The following POLR3B variants were observed in gnomAD, a reference collection of about 807,000 sequenced individuals.
The protein encoded by POLR3B is RNA polymerase III subunit B, also known as DNA-directed RNA polymerase III subunit RPC2.
POLR3B carries 96 observed loss-of-function variants against 147.4 expected under a neutral mutation model. That is an observed-to-expected ratio of 0.65 (90% CI 0.55 to 0.77). The LOEUF (loss-of-function observed/expected upper bound fraction) is 0.77. Ranked by LOEUF, POLR3B falls within the 30% of genes least tolerant of loss-of-function variation. The pLI, the probability that POLR3B is intolerant of heterozygous loss-of-function variation, is 0.00. For synonymous variants in POLR3B, 461 were observed against 485.9 expected (o/e 0.95, Z 0.67); for missense variants, 1,036 against 1,413.5 (o/e 0.73, Z 4.28).
In POLR3B at chr12:106,432,444, C is replaced by A; in HGVS notation, c.1591C>A (p.Leu531Ile). 6.2e-7 allele frequency: 1 copy of A among 1,612,442 alleles called. No homozygotes were observed. Among genetic ancestry groups the A allele is most frequent in the Middle Eastern group, 1.7e-4 (1 of 6,056 alleles). ...TGTGAATTTATTATGTGGGGAAGAG[C>A]TCTCTTACCCAAATGTGTTTCTTGT... ...EDVNLLCGEE[L>I]SYPNVFLVFL... Residue 531 changes from leucine (L) to isoleucine (I), a missense_variant, in exon 15 of 28, where the codon CTC (leucine) becomes ATC (isoleucine). Leu to Ile is a conservative substitution (Grantham distance 5). Coordinates refer to ENST00000228347, the MANE Select transcript of POLR3B (RefSeq NM_018082.6).
intron 11 of POLR3B, among the ~76,000 whole-genome samples, chr12:106,409,762 TTAAGG>T (rs1233424050): frequency 4.8e-4 from 73 of 152,020 alleles, no homozygotes; most frequent in African/African-American, 1.7e-3. Context: ...TACTAAATGA[TTAAGG>T]TAAGTAAAGA....
At chr12:106,424,861 A>G (rs988928789) in intron 12 of POLR3B, among the ~76,000 whole-genome samples, 1 of 152,198 alleles carries the variant, frequency 6.6e-6, no homozygotes, top group Non-Finnish European at 1.5e-5. Context: ...TCTAAATAAT[A>G]TTTAGCTTTC....
chr12:106,421,955 C>G (rs564204659), intron 12 of POLR3B, among the ~76,000 whole-genome samples: 1 of 152,320 alleles, frequency 6.6e-6, no homozygotes, highest in South Asian at 2.1e-4. Flanking sequence ...CCGTCTCAGC[C>G]TCCCAAAGTG....
intron 13 of POLR3B, 98 bp from the exon 14 acceptor site, chr12:106,430,175 C>A: frequency 2.3e-6 from 2 of 854,506 alleles, no homozygotes; most frequent in Non-Finnish European, 4.1e-6. Flanking sequence ...ATTTCGTAAG[C>A]ATGAAGCTCC....
chr12:106,400,312 A>G (rs2037044027), intron 10 of POLR3B, among the ~76,000 whole-genome samples: 1 of 152,254 alleles, frequency 6.6e-6, no homozygotes, highest in African/African-American at 2.4e-5. Context: ...CACCCAATAT[A>G]GGAGCACCCA....
intron 25 of POLR3B, among the ~76,000 whole-genome samples, chr12:106,499,531 G>T (rs1592779237): frequency 6.6e-6 from 1 of 152,188 alleles, no homozygotes; most frequent in African/African-American, 2.4e-5. Context: ...ACATAGATAG[G>T]TAGGAGGAAA....
At chr12:106,495,936 C>T (rs2038474173) in intron 23 of POLR3B, 119 bp from the exon 24 acceptor site, 6 of 780,022 alleles carry the variant, frequency 7.7e-6, no homozygotes, top group South Asian at 2.7e-5. Flanking sequence ...TGATAGAGGC[C>T]ATGGGGAAGA....
intron 6 of POLR3B, among the ~76,000 whole-genome samples, chr12:106,374,435 C>T (rs952729616): frequency 3.9e-5 from 6 of 151,930 alleles, no homozygotes; most frequent in African/African-American, 4.8e-5. Context: ...CCGCTGGTCT[C>T]GAACTCCTGG....
In POLR3B at chr12:106,363,870, G is replaced by A. The variant is rs1252486124; in HGVS notation, c.73G>A (p.Glu25Lys). Residue 25 changes from glutamate to lysine, a missense_variant and splice_region_variant, in exon 2 of 28, where the codon GAA becomes AAA. Transcript: ENST00000228347. Reference sequence around the variant, plus strand: ...ATATTCTTCTTGTTTTGGCTCACAGGAAAAATGGAGGCTGCTTCCAGCATT... The same window carrying A: ...ATATTCTTCTTGTTTTGGCTCACAGAAAAAATGGAGGCTGCTTCCAGCATT... ...QLAAPIPTVE[E>K]KWRLLPAFLK... 1.2e-6 allele frequency: 2 copies of A among 1,607,676 alleles called. No individual in the cohort carries two copies. Among genetic ancestry groups the A allele is most frequent in the East Asian group, 4.5e-5 (2 of 44,800 alleles).
At chr12:106,478,823 C>T (rs1238534877) in intron 23 of POLR3B, among the ~76,000 whole-genome samples, 2 of 152,096 alleles carry the variant, frequency 1.3e-5, no homozygotes, top group Non-Finnish European at 2.9e-5. Flanking sequence ...CAGTCCTTGT[C>T]TCTCCTCCTC....
At chr12:106,409,325 T>C (rs1358764294) in intron 11 of POLR3B, among the ~76,000 whole-genome samples, 2 of 148,602 alleles carry the variant, frequency 1.3e-5, no homozygotes, top group Non-Finnish European at 3.0e-5. Context: ...TTGTGGTAAC[T>C]GGTGTTACGA....
chr12:106,476,876 T>G (rs1322913036), intron 23 of POLR3B, among the ~76,000 whole-genome samples: 1 of 152,102 alleles, frequency 6.6e-6, no homozygotes, highest in Non-Finnish European at 1.5e-5. Context: ...CTCGTCAAAA[T>G]CATTCTCCAT....
chr12:106,483,122 T>C (rs968879785), intron 23 of POLR3B, among the ~76,000 whole-genome samples: 8 of 152,170 alleles, frequency 5.3e-5, no homozygotes, highest in Admixed American at 5.2e-4. Context: ...AGTCCCACAG[T>C]TGGGCCTGTA....
chr12:106,483,819 T>C (rs1284729869), intron 23 of POLR3B, among the ~76,000 whole-genome samples: 1 of 152,206 alleles, frequency 6.6e-6, no homozygotes, highest in African/African-American at 2.4e-5. Context: ...TGCCTTGTCT[T>C]GTGGGCCATA....
intron 2 of POLR3B, among the ~76,000 whole-genome samples, chr12:106,364,437 G>A (rs1397282476): frequency 6.6e-6 from 1 of 152,252 alleles, no homozygotes; most frequent in Non-Finnish European, 1.5e-5. Flanking sequence ...CGCTAGGATA[G>A]CTATAATCAA....
chr12:106,468,154 T>C (rs1020708212), intron 23 of POLR3B, among the ~76,000 whole-genome samples: 1 of 152,216 alleles, frequency 6.6e-6, no homozygotes, highest in Non-Finnish European at 1.5e-5. Context: ...TATTCAGAGA[T>C]TCAACTTCTT....
At chr12:106,374,810 C>T (rs888713387) in intron 6 of POLR3B, among the ~76,000 whole-genome samples, 4 of 152,218 alleles carry the variant, frequency 2.6e-5, no homozygotes, top group Admixed American at 1.3e-4. Flanking sequence ...GCCACCGCAC[C>T]TGGCCTCCTT....
At position 106,378,345 on chromosome 12, in the gene POLR3B, A is replaced by G. The variant is rs1328924252; in HGVS notation, c.575A>G (p.Glu192Gly). 1 of 1,613,794 alleles carries G rather than the reference A, an allele frequency of 6.2e-7. No homozygotes were observed. Among genetic ancestry groups the G allele is most frequent in the Non-Finnish European group, 8.5e-7 (1 of 1,179,670 alleles). ...EQLSKNRIIV[E>G]ADRKGAVGAS... ...CTGTCTAAGAACAGGATCATCGTGG[A>G]GGCTGATAGAAAAGGGGCTGTTGGA... The change falls in exon 8 of 28, where the codon GAG becomes GGG. Residue 192 changes from glutamate (E) to glycine (G), a missense_variant. Around this residue, in one of 12 missense-constraint regions of POLR3B, gnomAD observed 217 missense variants for 288.7 expected, o/e 0.75. Coordinates refer to ENST00000228347, the MANE Select transcript of POLR3B (RefSeq NM_018082.6).
intron 10 of POLR3B, among the ~76,000 whole-genome samples, chr12:106,398,810 A>G (rs1320169486): frequency 6.6e-6 from 1 of 152,200 alleles, no homozygotes; most frequent in Middle Eastern, 3.2e-3. Context: ...CAGGAAGGAC[A>G]TCCACATCAA....
Sources: allele counts gnomAD v4.1 joint callset (sites outside exome capture counted in the v4.1 genomes callset), GRCh38; gene constraint gnomAD v4.1.1; regional missense constraint gnomAD v4.1.1; transcripts MANE v1.5; gene names NCBI Gene and HGNC (gene_info 2026-07-23, HGNC 2026-07-21).